SPAG16: variants seen among roughly 807,000 people sequenced by gnomAD.
SPAG16 encodes sperm associated antigen 16, also known as sperm-associated antigen 16 protein.
In SPAG16, 86 loss-of-function variants were observed where a neutral mutation model predicts 80.4. The ratio of observed to expected loss-of-function variants is 1.07; its 90% CI spans 0.90 to 1.28. SPAG16 has a LOEUF of 1.28. Among genes scored for constraint, SPAG16 ranks in the 50% most tolerant of loss-of-function variants. The pLI, the probability that SPAG16 is intolerant of heterozygous loss-of-function variation, is 0.00. For synonymous variants in SPAG16, 294 were observed against 265.9 expected, an observed-to-expected ratio of 1.11 and a Z score of -1.03; for missense variants, 870 against 765.3, an observed-to-expected ratio of 1.14 and a Z score of -1.61.
Position 213,398,865 on chromosome 2 carries a change from C to T in SPAG16, c.942+23746C>T, listed in dbSNP as rs141789644. ...CTATATTCTCAGTGCCAGAAAAATG[C>T]CTGGCAAATAGTAATTATCCCATAA... On this transcript the variant is annotated intron_variant, in intron 9 of 15. Coordinates refer to ENST00000331683, the MANE Select transcript of SPAG16 (RefSeq NM_024532.5). Among the ~76,000 whole-genome samples, 1,384 of 152,164 alleles carry T rather than the reference C, an allele frequency of 9.1e-3. 15 individuals carry two copies. Among genetic ancestry groups the T allele is most frequent in the South Asian group, 0.02 (97 of 4,830 alleles).
chr2:213,936,367 G>C (rs1195328754), intron 12 of SPAG16, among the ~76,000 whole-genome samples: 1 of 152,154 alleles, frequency 6.6e-6, no homozygotes, highest in Non-Finnish European at 1.5e-5. Flanking sequence ...AACCATTAGT[G>C]GGTTTTGAGC....
intron 11 of SPAG16, among the ~76,000 whole-genome samples, chr2:213,928,229 C>T (rs2078580203): frequency 6.6e-6 from 1 of 151,606 alleles, no homozygotes; most frequent in South Asian, 2.1e-4. Flanking sequence ...GGATTACAGG[C>T]ACACGCCACC....
intron 9 of SPAG16, among the ~76,000 whole-genome samples, chr2:213,405,776 A>G (rs964889500): frequency 5.3e-5 from 8 of 152,180 alleles, no homozygotes; most frequent in South Asian, 2.1e-4. Context: ...ATGTCCTCCA[A>G]TTCCATCCCT....
At chr2:213,832,863 C>T (rs1406514950) in intron 10 of SPAG16, among the ~76,000 whole-genome samples, 1 of 152,078 alleles carries the variant, frequency 6.6e-6, no homozygotes. Flanking sequence ...CTCTTGGTCA[C>T]CTGACTTTTA....
At chr2:213,752,389 C>A (rs1432558807) in intron 10 of SPAG16, among the ~76,000 whole-genome samples, 1 of 152,170 alleles carries the variant, frequency 6.6e-6, no homozygotes, top group Non-Finnish European at 1.5e-5. Context: ...CAGTGCTAAT[C>A]TTCCCTGACC....
At chr2:213,444,372 T>A (rs2071170014) in intron 9 of SPAG16, among the ~76,000 whole-genome samples, 1 of 152,204 alleles carries the variant, frequency 6.6e-6, no homozygotes, top group Non-Finnish European at 1.5e-5. Context: ...TTTAGGGGTT[T>A]ATCAACTAGT....
At chr2:213,753,345 C>T (rs11693601) in intron 10 of SPAG16, among the ~76,000 whole-genome samples, 68,852 of 152,062 alleles carry the variant, frequency 0.45, 16,958 homozygotes, top group Non-Finnish European at 0.55. Context: ...TATCTTACTA[C>T]TTTCTTTCTC....
chr2:213,447,188 G>C (rs2071370865), intron 9 of SPAG16, among the ~76,000 whole-genome samples: 1 of 152,168 alleles, frequency 6.6e-6, no homozygotes, highest in South Asian at 2.1e-4. Flanking sequence ...ATGCCTGGAG[G>C]CTACTTATTT....
intron 14 of SPAG16, among the ~76,000 whole-genome samples, chr2:214,146,347 AAAG>A (rs1031087960): frequency 6.6e-6 from 1 of 152,184 alleles, no homozygotes; most frequent in Non-Finnish European, 1.5e-5. Flanking sequence ...GAAATGGGAG[AAAG>A]AAGAAGGATA....
chr2:213,974,341 A>G (rs2045244996), intron 12 of SPAG16, among the ~76,000 whole-genome samples: 1 of 152,102 alleles, frequency 6.6e-6, no homozygotes, highest in Non-Finnish European at 1.5e-5. Flanking sequence ...TATATACAAT[A>G]AATGTGATTA....
chr2:213,611,260 A>G (rs1287637364), intron 10 of SPAG16, among the ~76,000 whole-genome samples: 1 of 152,188 alleles, frequency 6.6e-6, no homozygotes, highest in Non-Finnish European at 1.5e-5. Context: ...CAGAGGGCAA[A>G]GGGGAAGTTT....
intron 12 of SPAG16, among the ~76,000 whole-genome samples, chr2:213,991,800 C>T (rs982141556): frequency 6.6e-6 from 1 of 152,110 alleles, no homozygotes; most frequent in Non-Finnish European, 1.5e-5. Context: ...ATGGCAAAGT[C>T]AGTGTGATAA....
intron 10 of SPAG16, among the ~76,000 whole-genome samples, chr2:213,526,033 A>G (rs2075874654): frequency 6.6e-6 from 1 of 152,104 alleles, no homozygotes; most frequent in African/African-American, 2.4e-5. Flanking sequence ...ACTTATCTCC[A>G]CATTTCTAAA....
chr2:213,435,995 A>G (rs1055861472), intron 9 of SPAG16, among the ~76,000 whole-genome samples: 17 of 152,150 alleles, frequency 1.1e-4, no homozygotes, highest in African/African-American at 4.1e-4. Flanking sequence ...TCTTCATATT[A>G]CTTAGATGTC....
At chr2:213,997,600 C>G (rs972866657) in intron 12 of SPAG16, among the ~76,000 whole-genome samples, 1 of 152,108 alleles carries the variant, frequency 6.6e-6, no homozygotes, top group African/African-American at 2.4e-5. Flanking sequence ...TGAATTATAT[C>G]CTCATTCAAA....
chr2:213,763,787 A>C (rs1249789798), intron 10 of SPAG16, among the ~76,000 whole-genome samples: 1 of 152,184 alleles, frequency 6.6e-6, no homozygotes, highest in Non-Finnish European at 1.5e-5. Flanking sequence ...GATCTGGATG[A>C]CCGTCTTGCT....
intron 15 of SPAG16, among the ~76,000 whole-genome samples, chr2:214,161,103 C>G (rs926092879): frequency 1.3e-5 from 2 of 152,056 alleles, no homozygotes; most frequent in Non-Finnish European, 2.9e-5. Flanking sequence ...GCTTCCAGCT[C>G]CATCCATGTT....
intron 12 of SPAG16, among the ~76,000 whole-genome samples, chr2:213,991,859 G>GTTTATTTA (rs35598286): frequency 0.39 from 55,732 of 144,602 alleles, 11,258 homozygotes; most frequent in South Asian, 0.58. Flanking sequence ...ACAATTGAGA[G>GTTTATTTA]TTTATTTATT....
At chr2:214,303,785 T>G in intron 15 of SPAG16, among the ~76,000 whole-genome samples, 1 of 152,202 alleles carries the variant, frequency 6.6e-6, no homozygotes, top group Non-Finnish European at 1.5e-5. Flanking sequence ...ATCCAGTATT[T>G]AGGTTTTTTT....
Sources: gnomAD v4.1 joint callset for allele counts (sites outside exome capture counted in the v4.1 genomes callset) on GRCh38, gnomAD v4.1.1 for gene constraint, MANE v1.5 for transcripts, NCBI Gene and HGNC (gene_info 2026-07-23, HGNC 2026-07-21) for gene names.